The following TARP variants were observed in gnomAD, a reference collection of about 807,000 sequenced individuals.
chr7:38,265,968 G>A, the TARP span, among the ~76,000 whole-genome samples: 9 of 151,728 alleles, frequency 5.9e-5, no homozygotes, highest in Middle Eastern at 3.4e-3. Context: ...GCTGTGATGA[G>A]TGTGATTTTT....
chr7:38,263,621 G>A, the TARP span, among the ~76,000 whole-genome samples: 444 of 151,076 alleles, frequency 2.9e-3, no homozygotes, highest in Middle Eastern at 0.014. Flanking sequence ...CCTGAGGTGA[G>A]AGTTGAATTT....
chr7:38,270,953 T>A, the TARP span, among the ~76,000 whole-genome samples: 25 of 151,246 alleles, frequency 1.7e-4, no homozygotes, highest in African/African-American at 6.1e-4. Flanking sequence ...GAAAATTTGG[T>A]GTGCTTCTTT....
At chr7:38,269,629 G>T in the TARP span, 3 of 592,110 alleles carry the variant, frequency 5.1e-6, no homozygotes, top group African/African-American at 3.8e-5. Context: ...AAAGACCAGG[G>T]TTCCAGTCCT....
chr7:38,265,830 G>A, the TARP span, among the ~76,000 whole-genome samples: 4 of 150,966 alleles, frequency 2.6e-5, no homozygotes, highest in African/African-American at 9.8e-5. Flanking sequence ...AGGCTGCACA[G>A]TACTTATTAT....
chr7:38,261,641 G>T, the TARP span, among the ~76,000 whole-genome samples: 75 of 151,480 alleles, frequency 5.0e-4, no homozygotes, highest in African/African-American at 1.8e-3. Flanking sequence ...TCGGGAGGGC[G>T]AGGGGGCAGA....
chr7:38,264,219 A>G, the TARP span, among the ~76,000 whole-genome samples: 1 of 151,570 alleles, frequency 6.6e-6, no homozygotes, highest in Non-Finnish European at 1.5e-5. Context: ...TCCAAGAAAG[A>G]GCATTAGAAA....
At chr7:38,273,632 T>G in the TARP span, 1 of 1,598,240 alleles carries the variant, frequency 6.3e-7, no homozygotes, top group Non-Finnish European at 8.5e-7. Flanking sequence ...TTGATTTTTT[T>G]GCCCAACTCT....
chr7:38,266,581 G>A, the TARP span, among the ~76,000 whole-genome samples: 2 of 151,844 alleles, frequency 1.3e-5, no homozygotes, highest in African/African-American at 4.8e-5. Context: ...GATTATAGGT[G>A]TGAGCCACCA....
chr7:38,261,081 G>C, the TARP span, among the ~76,000 whole-genome samples: 1 of 151,560 alleles, frequency 6.6e-6, no homozygotes, highest in Non-Finnish European at 1.5e-5. Flanking sequence ...ATTCTTTGTT[G>C]GCTGATGAGA....
At chr7:38,265,584 A>G in the TARP span, 145 of 1,612,104 alleles carry the variant, frequency 9.0e-5, no homozygotes, top group Non-Finnish European at 1.2e-4. Flanking sequence ...TCTCAAGAAG[A>G]CAAAGGTATG....
the TARP span, among the ~76,000 whole-genome samples, chr7:38,263,124 T>C: frequency 1.3e-5 from 2 of 151,764 alleles, no homozygotes; most frequent in African/African-American, 2.4e-5. Context: ...GGTATAGTGT[T>C]TCTGGACATA....
chr7:38,272,397 G>C, the TARP span, among the ~76,000 whole-genome samples: 4 of 147,742 alleles, frequency 2.7e-5, no homozygotes, highest in Non-Finnish European at 5.9e-5. Flanking sequence ...CGTGAAAACA[G>C]AAGTTTCAAC....
chr7:38,261,411 T>C, the TARP span, among the ~76,000 whole-genome samples: 1 of 151,064 alleles, frequency 6.6e-6, no homozygotes, highest in African/African-American at 2.4e-5. Flanking sequence ...TTTATAGGAG[T>C]TTTAAGAGGG....
the TARP span, chr7:38,262,215 A>T: frequency 1.2e-6 from 2 of 1,611,002 alleles, no homozygotes; most frequent in Non-Finnish European, 1.7e-6. Flanking sequence ...CATTGTGATG[A>T]CATCTAGAAG....
the TARP span, among the ~76,000 whole-genome samples, chr7:38,269,916 A>G: frequency 6.6e-6 from 1 of 151,952 alleles, no homozygotes; most frequent in Non-Finnish European, 1.5e-5. Flanking sequence ...CCTGGGCAAC[A>G]CAGTGAGACC....
chr7:38,262,051 T>TA, the TARP span: 1 of 832,266 alleles, frequency 1.2e-6, no homozygotes, highest in East Asian at 2.4e-5. Context: ...GGGACTAATT[T>TA]AAAATATCAC....
chr7:38,269,586 A>C, the TARP span: 1 of 640,522 alleles, frequency 1.6e-6, no homozygotes. Context: ...AGTTTCCCTG[A>C]GTTCTTCAAA....
At chr7:38,267,511 A>G in the TARP span, among the ~76,000 whole-genome samples, 1 of 151,210 alleles carries the variant, frequency 6.6e-6, no homozygotes, top group Non-Finnish European at 1.5e-5. Context: ...AACAGTCTTG[A>G]TAATTTCTGT....
At chr7:38,264,964 A>G in the TARP span, among the ~76,000 whole-genome samples, 2 of 151,482 alleles carry the variant, frequency 1.3e-5, no homozygotes, top group African/African-American at 2.4e-5. Context: ...CCTGAAAGAC[A>G]TATATATGTT....
Sources: gnomAD v4.1 joint callset for allele counts (sites outside exome capture counted in the v4.1 genomes callset) on GRCh38, gnomAD v4.1.1 for gene constraint, MANE v1.5 for transcripts.